RP2: variants seen among roughly 807,000 people sequenced by gnomAD.
The protein encoded by RP2 is RP2 activator of ARL3 GTPase.
RP2 carries 3 observed loss-of-function variants against 20.3 expected under a neutral mutation model. The observed-to-expected ratio is 0.15, with a 90% CI of 0.07 to 0.38. RP2 has a LOEUF of 0.38. RP2 is among the 10% of genes least tolerant of loss of function. The pLI, the probability that RP2 is intolerant of heterozygous loss-of-function variation, is 1.00. For missense variants in RP2, 233 were observed against 268.5 expected, an observed-to-expected ratio of 0.87 and a Z score of 0.92; for synonymous variants, 75 against 94.8, an observed-to-expected ratio of 0.79 and a Z score of 1.22.
intron 1 of RP2, among the ~76,000 whole-genome samples, chrX:46,853,257 G>A (rs1430606793): frequency 9.0e-6 from 1 of 111,312 alleles, no homozygotes; most frequent in Non-Finnish European, 1.9e-5. Context: ...GAGGGGATCT[G>A]TCTTCTGGGA....
chrX:46,857,327 C>G (rs1037005000), intron 2 of RP2, among the ~76,000 whole-genome samples: 1 of 111,262 alleles, frequency 9.0e-6, no homozygotes, highest in Admixed American at 9.6e-5. Flanking sequence ...TTTGGGAGGC[C>G]GAGGCGGGTG....
In RP2 at chrX:46,882,271, GCTT is replaced by G. The variant is rs1407347908; in HGVS notation, c.*2506_*2508del. 1 of 111,414 alleles carries G rather than the reference GCTT, an allele frequency of 9.0e-6. No individual in the cohort carries two copies. The highest frequency in any genetic ancestry group is 1.9e-5 in the Non-Finnish European group (1 of 53,028). 9.2% of individuals were successfully genotyped at this position (111,414 alleles called of 1,213,427 possible). ...TTAATAGTACTGCTGTTTTTGTTTT[GCTT>G]CTTTATATTTATGTCTAGCTTTTAT... is the stretch of plus-strand genomic sequence containing the variant. On this transcript the variant is annotated 3_prime_UTR_variant, in exon 5 of 5. Coordinates refer to ENST00000218340, the MANE Select transcript of RP2 (RefSeq NM_006915.3).
At chrX:46,862,608 C>A (rs1043526201) in intron 3 of RP2, among the ~76,000 whole-genome samples, 9 of 110,201 alleles carry the variant, frequency 8.2e-5, no homozygotes, top group Non-Finnish European at 1.7e-4. Context: ...TGCAGTGAGC[C>A]AAGATCGCGC....
intron 3 of RP2, among the ~76,000 whole-genome samples, chrX:46,876,769 C>T (rs926159479): frequency 1.8e-5 from 2 of 111,920 alleles, no homozygotes; most frequent in African/African-American, 6.5e-5. Context: ...TTCATTACTT[C>T]GTACTTCATT....
chrX:46,861,043 C>T (rs1289422453), intron 3 of RP2, among the ~76,000 whole-genome samples: 1 of 111,671 alleles, frequency 9.0e-6, no homozygotes, highest in Non-Finnish European at 1.9e-5. Context: ...CATGAATCTA[C>T]CCCAGAATAT....
chrX:46,873,391 T>A (rs146007775), intron 3 of RP2, among the ~76,000 whole-genome samples: 78 of 112,368 alleles, frequency 6.9e-4, no homozygotes, highest in African/African-American at 2.4e-3. Flanking sequence ...ACTAAAAACA[T>A]GACCAGTAAT....
intron 3 of RP2, among the ~76,000 whole-genome samples, chrX:46,876,379 A>G (rs1294745095): frequency 1.8e-5 from 2 of 111,195 alleles, no homozygotes; most frequent in African/African-American, 6.5e-5. Context: ...AGGCCTCCCA[A>G]AATTCTACGA....
chrX:46,853,012 C>T (rs995401708), intron 1 of RP2, among the ~76,000 whole-genome samples: 2 of 112,052 alleles, frequency 1.8e-5, no homozygotes, highest in Admixed American at 9.5e-5. Flanking sequence ...TTTTTCATAG[C>T]GCTTTTATTA....
intron 3 of RP2, among the ~76,000 whole-genome samples, chrX:46,866,127 GC>G (rs1384904215): frequency 1.8e-5 from 2 of 110,389 alleles, no homozygotes; most frequent in Non-Finnish European, 3.8e-5. Flanking sequence ...TTACTTCCTG[GC>G]CCTACAAGAT....
At chrX:46,837,822 T>G (rs970757575) in intron 1 of RP2, among the ~76,000 whole-genome samples, 16 of 112,367 alleles carry the variant, frequency 1.4e-4, no homozygotes, top group African/African-American at 5.2e-4. Context: ...GCATCAGTCT[T>G]GGAATGTGTA....
At chrX:46,837,438 G>C (rs1556313696) in intron 1 of RP2, among the ~76,000 whole-genome samples, 1 of 111,711 alleles carries the variant, frequency 9.0e-6, no homozygotes, top group African/African-American at 3.3e-5. Flanking sequence ...TGTTGTCGTG[G>C]TAGACAGACT....
intron 2 of RP2, among the ~76,000 whole-genome samples, chrX:46,858,473 CA>C (rs1925006423): frequency 9.2e-6 from 1 of 109,147 alleles, no homozygotes. Context: ...AATATGACTA[CA>C]TTTTTTTTTT....
chrX:46,837,336 T>A, intron 1 of RP2, 134 bp downstream of exon 1: 1 of 691,650 alleles, frequency 1.4e-6, no homozygotes, highest in East Asian at 3.6e-5. Flanking sequence ...GAAGTCGGGG[T>A]GCACGACTTT....
chrX:46,868,510 C>T (rs1335455930), intron 3 of RP2, among the ~76,000 whole-genome samples: 3 of 110,995 alleles, frequency 2.7e-5, no homozygotes, highest in South Asian at 3.8e-4. Context: ...GTAGGCCGGG[C>T]GCAGTGGCTC....
chrX:46,874,327 C>T (rs995598296), intron 3 of RP2, among the ~76,000 whole-genome samples: 1 of 111,860 alleles, frequency 8.9e-6, no homozygotes, highest in Admixed American at 9.5e-5. Context: ...CACACACACA[C>T]TATATTTCCT....
Position 46,879,838 on chromosome X carries a change from A to G in RP2, c.*69A>G. On this transcript the variant is annotated 3_prime_UTR_variant, in exon 5 of 5. Transcript: ENST00000218340. ...TTGTGAATATAGAATTTGATAATAC[A>G]CTTTTGTGTATTAGCAATGGTTTTT... The G allele has an allele frequency of 3.1e-6, 2 of 643,034 alleles. No homozygotes were observed. The highest frequency in any genetic ancestry group is 5.8e-5 in the Admixed American group (2 of 34,224). 53.0% of individuals were successfully genotyped at this position (643,034 alleles called of 1,213,427 possible).
At chrX:46,854,247 C>A in intron 2 of RP2, 106 bp downstream of exon 2, 1 of 800,904 alleles carries the variant, frequency 1.2e-6, no homozygotes, top group Non-Finnish European at 1.8e-6. Context: ...ACAGGCAACC[C>A]TCAAGTTATA....
At chrX:46,870,199 A>G (rs142096444) in intron 3 of RP2, among the ~76,000 whole-genome samples, 19 of 110,458 alleles carry the variant, frequency 1.7e-4, no homozygotes, top group African/African-American at 4.6e-4. Flanking sequence ...CCTCAAACTC[A>G]TGGGCTCAGG....
intron 1 of RP2, among the ~76,000 whole-genome samples, chrX:46,842,883 C>G (rs1363476890): frequency 3.6e-5 from 4 of 110,917 alleles, no homozygotes; most frequent in African/African-American, 1.3e-4. Flanking sequence ...TACTTTTTGT[C>G]TATTATGGAT....
Sources: gnomAD v4.1 joint callset for allele counts (sites outside exome capture counted in the v4.1 genomes callset) on GRCh38, gnomAD v4.1.1 for gene constraint, MANE v1.5 for transcripts, NCBI Gene and HGNC (gene_info 2026-07-23, HGNC 2026-07-21) for gene names.